DMD: variants seen among roughly 807,000 people sequenced by gnomAD.
DMD encodes the protein dystrophin, also known as mutant dystrophin.
DMD carries 63 observed loss-of-function variants against 330.1 expected under a neutral mutation model. The ratio of observed to expected loss-of-function variants is 0.19; its 90% CI spans 0.16 to 0.24. The LOEUF (loss-of-function observed/expected upper bound fraction) is 0.24. DMD is among the 10% of genes least tolerant of loss of function. The pLI is 1.00. For synonymous variants in DMD, 1,223 were observed against 959.8 expected, an observed-to-expected ratio of 1.27 and a Z score of -5.07; for missense variants, 3,344 against 2,684.1, an observed-to-expected ratio of 1.25 and a Z score of -5.43.
chrX:32,736,724 C>G (rs1255150386), intron 7 of DMD, among the ~76,000 whole-genome samples: 2 of 96,223 alleles, frequency 2.1e-5, no homozygotes, highest in Middle Eastern at 6.3e-3. Context: ...AATGAGAACA[C>G]ATGGACACAG....
chrX:32,992,906 C>CAAA (rs34177386), intron 2 of DMD, among the ~76,000 whole-genome samples: 3 of 35,484 alleles, frequency 8.5e-5, no homozygotes, highest in African/African-American at 1.7e-4. Flanking sequence ...AGCTCTGTCT[C>CAAA]AAAAAAAAAA....
At chrX:31,456,767 C>G (rs2066188151) in intron 59 of DMD, among the ~76,000 whole-genome samples, 1 of 108,634 alleles carries the variant, frequency 9.2e-6, no homozygotes, top group Non-Finnish European at 1.9e-5. Context: ...TTCTCGGCAA[C>G]TCTTAGATTT....
intron 2 of DMD, among the ~76,000 whole-genome samples, chrX:32,874,753 TG>T (rs929205719): frequency 7.1e-5 from 8 of 111,933 alleles, no homozygotes; most frequent in African/African-American, 2.6e-4. Flanking sequence ...AGCCTCTTTA[TG>T]GGTTTCTTAG....
intron 29 of DMD, among the ~76,000 whole-genome samples, chrX:32,418,971 T>TAAAAAA (rs1569561948): frequency 5.3e-5 from 1 of 18,925 alleles, no homozygotes; most frequent in African/African-American, 8.5e-4. Context: ...AGACTCTGTC[T>TAAAAAA]CAAAAAAAAA....
chrX:32,535,084 G>A (rs749208949), intron 17 of DMD, among the ~76,000 whole-genome samples: 3 of 111,454 alleles, frequency 2.7e-5, no homozygotes, highest in Non-Finnish European at 3.8e-5. Context: ...AAATGTAAAC[G>A]TTCTTCAAGA....
rs1387880048 is a variant in DMD at position 32,847,016 on chromosome X, A to C, written c.187-2156T>G. ...GTAAGATTCCATCAAAATAAAAAAA[A>C]AATACATGAAAGAAAAACAGCAAAT... On this transcript the variant is annotated intron_variant, in intron 3 of 78. Transcript: ENST00000357033. 7.2e-5 allele frequency among the ~76,000 whole-genome samples: 8 copies of C among 111,230 alleles called. No individual in the cohort carries two copies. The Admixed American group carries it at 7.7e-4, about 11-fold the overall frequency.
In DMD at chrX:31,679,437, C is replaced by G. The variant is rs775663860; in HGVS notation, c.7810G>C (p.Glu2604Gln). The part of the protein sequence containing the change: ...QVLGQARAKL[E>Q]SWKEGPYTVD... ...GTATAGGGACCCTCCTTCCATGACT[C>G]AAGCTTGGCTCTGGCCTGTCCTAAG... Residue 2604 changes from glutamate (E) to glutamine (Q), a missense_variant, in exon 53 of 79, where the codon GAG becomes CAG. Transcript: ENST00000357033. 2 of 1,211,686 alleles carry G rather than the reference C, an allele frequency of 1.7e-6. No individual in the cohort carries two copies. The highest frequency in any genetic ancestry group is 3.5e-5 in the South Asian group (2 of 56,955).
intron 44 of DMD, among the ~76,000 whole-genome samples, chrX:32,055,457 G>T (rs1414552367): frequency 5.4e-5 from 6 of 111,157 alleles, no homozygotes; most frequent in Non-Finnish European, 1.1e-4. Flanking sequence ...TGCTCTATAC[G>T]ACTGAATGGT....
chrX:32,994,005 A>G (rs2093049490), intron 2 of DMD, among the ~76,000 whole-genome samples: 1 of 110,643 alleles, frequency 9.0e-6, no homozygotes, highest in Admixed American at 9.7e-5. Flanking sequence ...AACCTGGCAG[A>G]AGTATGATTG....
chrX:31,831,717 G>A (rs377404104), intron 49 of DMD, among the ~76,000 whole-genome samples: 4 of 110,822 alleles, frequency 3.6e-5, no homozygotes, highest in East Asian at 5.7e-4. Context: ...TCCTGCCTCA[G>A]CCTCCCGAGT....
At position 31,191,780 on chromosome X, in the gene DMD, T is replaced by C. The variant is rs146978029; in HGVS notation, c.9808-8876A>G. Among the ~76,000 whole-genome samples, 835 of 111,786 alleles carry C rather than the reference T, an allele frequency of 7.5e-3. 7 individuals are homozygous for C. Among genetic ancestry groups the C allele is most frequent in the Non-Finnish European group, 9.2e-3 (489 of 53,186 alleles). On this transcript the variant is annotated intron_variant, in intron 67 of 78. Transcript: ENST00000357033. ...TGAAAACGGACTAATACAGTGGCCA[T>C]TTTCATTTGCTATTTTCATTAGTAA...
intron 2 of DMD, among the ~76,000 whole-genome samples, chrX:32,870,979 A>AAG (rs1455845482): frequency 1.2e-5 from 1 of 83,809 alleles, no homozygotes; most frequent in African/African-American, 4.2e-5. Flanking sequence ...AAAAAAAAAA[A>AAG]AAAAAAAAAC....
chrX:31,519,936 G>C (rs1207634402), intron 55 of DMD, among the ~76,000 whole-genome samples: 1 of 111,680 alleles, frequency 9.0e-6, no homozygotes, highest in Non-Finnish European at 1.9e-5. Flanking sequence ...TGTGTGCCTA[G>C]ATAGTTCTTT....
intron 44 of DMD, among the ~76,000 whole-genome samples, chrX:32,179,156 T>C (rs953292819): frequency 3.6e-5 from 4 of 111,413 alleles, no homozygotes; most frequent in African/African-American, 1.3e-4. Flanking sequence ...AGCCAGGCGC[T>C]ACATCTACAG....
At chrX:31,235,286 A>G (rs1225192378) in intron 63 of DMD, among the ~76,000 whole-genome samples, 1 of 112,217 alleles carries the variant, frequency 8.9e-6, no homozygotes, top group Admixed American at 9.4e-5. Flanking sequence ...CAGTATTCCA[A>G]TGAACATTTT....
At chrX:31,488,660 AAATAT>A (rs1393817859) in intron 57 of DMD, among the ~76,000 whole-genome samples, 1 of 111,858 alleles carries the variant, frequency 8.9e-6, no homozygotes, top group Non-Finnish European at 1.9e-5. Flanking sequence ...TCTACCCTCC[AAATAT>A]ATCTTCGATC....
intron 30 of DMD, among the ~76,000 whole-genome samples, chrX:32,403,992 C>G (rs1013994457): frequency 8.9e-6 from 1 of 111,938 alleles, no homozygotes; most frequent in African/African-American, 3.2e-5. Context: ...CTATAAGAGT[C>G]TGTTTTATTC....
chrX:31,166,528 A>G (rs1159715478), intron 74 of DMD, among the ~76,000 whole-genome samples: 1 of 112,003 alleles, frequency 8.9e-6, no homozygotes, highest in African/African-American at 3.2e-5. Context: ...TATTTGTCAG[A>G]TTGCGTAGCC....
At chrX:31,623,509 G>A (rs934561306) in intron 55 of DMD, among the ~76,000 whole-genome samples, 2 of 111,686 alleles carry the variant, frequency 1.8e-5, no homozygotes, top group African/African-American at 6.5e-5. Flanking sequence ...TGATCCGCCC[G>A]CCTCTGCCTC....
Sources: gnomAD v4.1 joint callset for allele counts (sites outside exome capture counted in the v4.1 genomes callset) on GRCh38, gnomAD v4.1.1 for gene constraint, MANE v1.5 for transcripts, NCBI Gene and HGNC (gene_info 2026-07-23, HGNC 2026-07-21) for gene names.